Variants in SORCS2 observed in about 807,000 individuals in gnomAD.
SORCS2 encodes VPS10 domain-containing receptor SorCS2.
SORCS2 carries 100 observed loss-of-function variants against 141.6 expected under a neutral mutation model. The observed-to-expected ratio is 0.71, with a 90% CI of 0.60 to 0.83. The LOEUF (loss-of-function observed/expected upper bound fraction) is 0.83. Among genes scored for constraint, SORCS2 ranks in the 40% least tolerant of loss-of-function variants. The probability of loss-of-function intolerance (pLI) is 0.00; values close to 1 mark genes in which losing one functional copy is unlikely to be tolerated. For missense variants in SORCS2, 1,646 were observed against 1,560.2 expected (o/e 1.05, Z -0.93); for synonymous variants, 789 against 676.9 (o/e 1.17, Z -2.57).
intron 2 of SORCS2, among the ~76,000 whole-genome samples, chr4:7,507,266 C>G (rs2109449135): frequency 6.6e-6 from 1 of 152,216 alleles, no homozygotes; most frequent in African/African-American, 2.4e-5. Flanking sequence ...CCTCTGCCTC[C>G]TGGATTCAAG....
intron 1 of SORCS2, among the ~76,000 whole-genome samples, chr4:7,296,471 CAG>C (rs1717063838): frequency 2.0e-5 from 3 of 152,186 alleles, no homozygotes; most frequent in Non-Finnish European, 4.4e-5. Flanking sequence ...GTGGCAGAGA[CAG>C]AGAGGGTTGG....
At chr4:7,564,325 C>T (rs1008252273) in intron 3 of SORCS2, among the ~76,000 whole-genome samples, 1 of 152,236 alleles carries the variant, frequency 6.6e-6, no homozygotes, top group African/African-American at 2.4e-5. Flanking sequence ...GTTCTGGTGG[C>T]TGGCTGACTG....
At chr4:7,316,849 A>T (rs1718592774) in intron 1 of SORCS2, among the ~76,000 whole-genome samples, 1 of 152,192 alleles carries the variant, frequency 6.6e-6, no homozygotes, top group South Asian at 2.1e-4. Flanking sequence ...CCTGAGGAAG[A>T]AGTGAGACCC....
chr4:7,333,050 CAG>C (rs1719754098), intron 1 of SORCS2, among the ~76,000 whole-genome samples: 1 of 152,206 alleles, frequency 6.6e-6, no homozygotes, highest in South Asian at 2.1e-4. Flanking sequence ...TCTTTATTCA[CAG>C]AGTGTGTAGC....
chr4:7,246,864 C>G (rs1713131750), intron 1 of SORCS2, among the ~76,000 whole-genome samples: 1 of 152,248 alleles, frequency 6.6e-6, no homozygotes, highest in Non-Finnish European at 1.5e-5. Flanking sequence ...CTTCCACCAG[C>G]AACTCTCCAC....
At chr4:7,698,916 G>A (rs942487385) in intron 12 of SORCS2, among the ~76,000 whole-genome samples, 1 of 152,146 alleles carries the variant, frequency 6.6e-6, no homozygotes, top group African/African-American at 2.4e-5. Context: ...GGCAGAGTGG[G>A]ACAGAGGCAG....
At chr4:7,711,748 T>C (rs531383671) in intron 14 of SORCS2, among the ~76,000 whole-genome samples, 1 of 152,214 alleles carries the variant, frequency 6.6e-6, no homozygotes, top group Admixed American at 6.5e-5. Context: ...GGCAAGTTAC[T>C]CAACCTCTCT....
chr4:7,535,678 C>T (rs879313303), intron 3 of SORCS2, among the ~76,000 whole-genome samples: 23 of 152,242 alleles, frequency 1.5e-4, no homozygotes, highest in Admixed American at 2.0e-4. Flanking sequence ...CCCTCCTGGC[C>T]AGCCATCTGA....
At chr4:7,337,671 C>T (rs754827650) in intron 1 of SORCS2, among the ~76,000 whole-genome samples, 3 of 152,178 alleles carry the variant, frequency 2.0e-5, no homozygotes, top group Non-Finnish European at 4.4e-5. Flanking sequence ...TACACCCGCA[C>T]GCTGGGGCAG....
chr4:7,565,663 A>G (rs1030091797), intron 3 of SORCS2, among the ~76,000 whole-genome samples: 1 of 148,486 alleles, frequency 6.7e-6, no homozygotes, highest in African/African-American at 2.6e-5. Flanking sequence ...TGATGATGTG[A>G]TGATGCTGAT....
At chr4:7,675,162 T>C (rs1272046496) in intron 8 of SORCS2, among the ~76,000 whole-genome samples, 2 of 152,248 alleles carry the variant, frequency 1.3e-5, no homozygotes, top group Non-Finnish European at 2.9e-5. Context: ...CCAGTTTTCC[T>C]TTTTATTCTT....
intron 2 of SORCS2, among the ~76,000 whole-genome samples, chr4:7,473,766 C>T (rs184628681): frequency 3.3e-5 from 5 of 151,984 alleles, no homozygotes; most frequent in Admixed American, 2.0e-4. Flanking sequence ...AGGGTGGGCG[C>T]GGTCCTGGCA....
chr4:7,504,117 G>A (rs1732137900), intron 2 of SORCS2, among the ~76,000 whole-genome samples: 1 of 152,164 alleles, frequency 6.6e-6, no homozygotes, highest in Non-Finnish European at 1.5e-5. Flanking sequence ...GTAGGGCAGG[G>A]GCCTCTGTCG....
intron 25 of SORCS2, among the ~76,000 whole-genome samples, chr4:7,736,361 C>T (rs1454357054): frequency 2.0e-5 from 3 of 152,210 alleles, no homozygotes; most frequent in South Asian, 4.1e-4. Context: ...TCACAGGTCC[C>T]GCCCCACCCC....
intron 2 of SORCS2, among the ~76,000 whole-genome samples, chr4:7,523,782 C>T (rs1049642712): frequency 1.3e-5 from 2 of 152,182 alleles, no homozygotes; most frequent in Non-Finnish European, 2.9e-5. Context: ...CGCAGACACT[C>T]AGCCCGTCAC....
intron 2 of SORCS2, among the ~76,000 whole-genome samples, chr4:7,493,566 C>G (rs915876342): frequency 6.6e-5 from 10 of 152,112 alleles, no homozygotes; most frequent in African/African-American, 2.4e-4. Flanking sequence ...GCTTCAGTTT[C>G]CCCAGCTGGA....
Position 7,550,575 on chromosome 4 carries a change from G to C in SORCS2, c.648+18946G>C, listed in dbSNP as rs56251358. Reference sequence around the variant, plus strand: ...GTGTCTGGGGAACCCAGCTGGCAGAGGGCAGGGGACACAGAGGCTTCAGGA... The same window carrying C: ...GTGTCTGGGGAACCCAGCTGGCAGACGGCAGGGGACACAGAGGCTTCAGGA... On this transcript the variant is annotated intron_variant, in intron 3 of 26. Coordinates refer to ENST00000507866, the MANE Select transcript of SORCS2 (RefSeq NM_020777.3). Among the ~76,000 whole-genome samples, 177 of 152,310 alleles carry C rather than the reference G, an allele frequency of 1.2e-3. 1 individual carries two copies. Among genetic ancestry groups the C allele is most frequent in the African/African-American group, 4.1e-3 (170 of 41,558 alleles).
intron 3 of SORCS2, among the ~76,000 whole-genome samples, chr4:7,635,824 C>A (rs560836467): frequency 6.6e-6 from 1 of 152,212 alleles, no homozygotes; most frequent in African/African-American, 2.4e-5. Flanking sequence ...ACGGAGGCCA[C>A]ATCTTTCTCC....
chr4:7,698,339 C>T (rs1724841479), intron 12 of SORCS2, among the ~76,000 whole-genome samples: 1 of 152,240 alleles, frequency 6.6e-6, no homozygotes, highest in Admixed American at 6.5e-5. Flanking sequence ...ATGCTCTGGG[C>T]ACACGTGTTG....
Sources: gnomAD v4.1 joint callset for allele counts (sites outside exome capture counted in the v4.1 genomes callset) on GRCh38, gnomAD v4.1.1 for gene constraint, MANE v1.5 for transcripts, NCBI Gene and HGNC (gene_info 2026-07-23, HGNC 2026-07-21) for gene names.